Variants in PGBD1 observed in about 807,000 individuals in gnomAD.
PGBD1 encodes piggyBac transposable element derived 1.
PGBD1 carries 25 observed loss-of-function variants against 34.7 expected under a neutral mutation model. The observed-to-expected ratio is 0.72, with a 90% confidence interval of 0.52 to 1.00. PGBD1 has a LOEUF of 1.00. Ranked by LOEUF, PGBD1 falls within the 50% of genes least tolerant of loss-of-function variation. The pLI is 0.00. For synonymous variants in PGBD1, 292 were observed against 335.7 expected, an observed-to-expected ratio of 0.87 and a Z score of 1.42; for missense variants, 830 against 959.4, an observed-to-expected ratio of 0.87 and a Z score of 1.78.
At chr6:28,283,455 C>T (rs1319208049) in intron 1 of PGBD1, among the ~76,000 whole-genome samples, 1 of 152,182 alleles carries the variant, frequency 6.6e-6, no homozygotes, top group Non-Finnish European at 1.5e-5. Context: ...ATTATTTGTC[C>T]ATGAAGGCAG....
At chr6:28,283,521 A>G (rs1189481750) in intron 1 of PGBD1, among the ~76,000 whole-genome samples, 2 of 152,174 alleles carry the variant, frequency 1.3e-5, no homozygotes, top group African/African-American at 4.8e-5. Flanking sequence ...AGTGCAAGCT[A>G]CTCGAGCTTT....
intron 4 of PGBD1, among the ~76,000 whole-genome samples, chr6:28,296,578 G>A (rs1370358072): frequency 6.6e-6 from 1 of 152,180 alleles, no homozygotes; most frequent in Non-Finnish European, 1.5e-5. Context: ...ATTCTTTGTA[G>A]TGTGGGACTG....
rs1581642814 is a variant in PGBD1, at chr6:28,301,462, T to A, written c.1608T>A (p.Tyr536Ter). 1 of 1,614,008 alleles carries A rather than the reference T, an allele frequency of 6.2e-7. No individual in the cohort carries two copies. Among genetic ancestry groups the A allele is most frequent in the East Asian group, 2.2e-5 (1 of 44,870 alleles). The change falls in exon 7 of 7, where the codon TAT becomes TAA. Residue 536 changes from tyrosine (Y) to a stop codon, truncating the protein, a stop_gained. Coordinates refer to ENST00000682144, the MANE Select transcript of PGBD1 (RefSeq NM_032507.4). LOFTEE classifies it low-confidence loss of function (END_TRUNC). ...IKQMNKNFLL[Y>*]APLEEYYCFD... ...AAATGAATAAAAATTTCCTCTTGTATGCTCCCCTGGAAGAATACTATTGCT... is the reference window on the plus strand; with the variant it reads ...AAATGAATAAAAATTTCCTCTTGTAAGCTCCCCTGGAAGAATACTATTGCT...
At chr6:28,293,449 T>TA (rs1762531598) in intron 4 of PGBD1, among the ~76,000 whole-genome samples, 1 of 152,246 alleles carries the variant, frequency 6.6e-6, no homozygotes, top group Non-Finnish European at 1.5e-5. Context: ...ATATTACAGA[T>TA]ACACTTCCTT....
intron 6 of PGBD1, 85 bp downstream of exon 6, chr6:28,298,076 C>T: frequency 1.1e-6 from 1 of 908,028 alleles, no homozygotes; most frequent in Non-Finnish European, 1.8e-6. Flanking sequence ...GGTCAAAGGC[C>T]TGCTTCTCTG....
chr6:28,283,055 A>G (rs1019144950), intron 1 of PGBD1, among the ~76,000 whole-genome samples: 5 of 152,234 alleles, frequency 3.3e-5, no homozygotes, highest in Non-Finnish European at 5.9e-5. Context: ...GGAGTTACTA[A>G]TAGAGCTGCA....
chr6:28,286,877 TGA>T (rs1208831070), intron 3 of PGBD1, among the ~76,000 whole-genome samples: 1 of 152,168 alleles, frequency 6.6e-6, no homozygotes, highest in African/African-American at 2.4e-5. Context: ...ATTTTTTGGG[TGA>T]GAGACCCTAA....
At position 28,301,752 on chromosome 6, in the gene PGBD1, T is replaced by G; in HGVS notation, c.1898T>G (p.Val633Gly). Residue 633 changes from valine to glycine, a missense_variant, in exon 7 of 7, where the codon GTC becomes GGC. Physicochemically the swap from Val to Gly is moderately radical, Grantham distance 109. This residue lies in a region of PGBD1 where 372 missense variants were observed against 427.9 expected (regional missense o/e 0.87). Coordinates refer to ENST00000682144, the MANE Select transcript of PGBD1 (RefSeq NM_032507.4). ...TGTTTTGATAGCTTCTTTACAAGTG[T>G]CAAATTGTTGTCAGCCTTGAAAAAG... ...HLCFDSFFTS[V>G]KLLSALKKKG... is the part of the protein sequence containing the mutation. 1 of 1,614,142 alleles carries G rather than the reference T, an allele frequency of 6.2e-7. No individual in the cohort carries two copies. The highest frequency in any genetic ancestry group is 8.5e-7 in the Non-Finnish European group (1 of 1,180,024).
chr6:28,296,717 T>G, intron 4 of PGBD1, 99 bp from the exon 5 acceptor site: 1 of 1,375,436 alleles, frequency 7.3e-7, no homozygotes, highest in Non-Finnish European at 1.0e-6. Context: ...CCTGAGGGGC[T>G]GGGACTACCG....
Position 28,300,950 on chromosome 6 carries a change from G to A in PGBD1, c.1096G>A (p.Glu366Lys). ...GLSFSGDSDV[E>K]KDNEPEIQPA... ...CTCATTCTCTGGTGACTCAGATGTG[G>A]AAAAAGATAATGAGCCTGAGATCCA... The change falls in exon 7 of 7, where the codon GAA (glutamate) becomes AAA (lysine). Residue 366 changes from glutamate to lysine, a missense_variant. Coordinates refer to ENST00000682144, the MANE Select transcript of PGBD1 (RefSeq NM_032507.4). The surrounding 1 kb of genome is among the most constrained non-coding windows in gnomAD (Gnocchi z 4.0). The A allele has an allele frequency of 6.2e-7, 1 of 1,614,086 alleles. No homozygotes were observed. The highest frequency in any genetic ancestry group is 8.5e-7 in the Non-Finnish European group (1 of 1,180,020).
At chr6:28,288,286 C>G (rs1762348058) in intron 4 of PGBD1, among the ~76,000 whole-genome samples, 1 of 152,212 alleles carries the variant, frequency 6.6e-6, no homozygotes, top group African/African-American at 2.4e-5. Flanking sequence ...TGGAAACAGG[C>G]TCTGTCTTAG....
rs1452119361 is a variant in PGBD1 at position 28,284,195 on chromosome 6, GAC to G, written c.386_387del (p.Thr129ArgfsTer42). The G allele has an allele frequency of 1.1e-5, 17 of 1,556,806 alleles. No homozygotes were observed. Among genetic ancestry groups the G allele is most frequent in the Non-Finnish European group, 1.5e-5 (17 of 1,148,902 alleles). On this transcript the variant is annotated frameshift_variant, in exon 2 of 7. Transcript: ENST00000682144. LOFTEE classifies it high-confidence loss of function. ...GGAGAATCTAGAGACAGGAAGTGGA[GAC>G]ACAGGACAACAGGTGGGAAGAGAAT... is the stretch of plus-strand genomic sequence containing the variant. ...VLENLETGSG[D>X]TGQQASVYIQ...
chr6:28,284,268 AT>A, intron 2 of PGBD1, 59 bp downstream of exon 2: 2 of 1,439,430 alleles, frequency 1.4e-6, no homozygotes, highest in Non-Finnish European at 1.8e-6. Context: ...GTATCGGTTT[AT>A]TTTTAACGTT....
chr6:28,302,118 G>A lies in PGBD1; in HGVS notation c.2264G>A (p.Ser755Asn), dbSNP rs867654002. 6.2e-7 allele frequency: 1 copy of A among 1,614,158 alleles called. No individual in the cohort carries two copies. Among genetic ancestry groups the A allele is most frequent in the Non-Finnish European group, 8.5e-7 (1 of 1,180,028 alleles). Residue 755 changes from serine to asparagine, a missense_variant, in exon 7 of 7, where the codon AGC becomes AAC. Physicochemically the swap from Ser to Asn is conservative, Grantham distance 46. Coordinates refer to ENST00000682144, the MANE Select transcript of PGBD1 (RefSeq NM_032507.4). ...IISKYRVRIR[S>N]KKWYSILVSY... Reference sequence around the variant, plus strand: ...TCGAAATACAGGGTGAGGATAAGAAGCAAGAAATGGTACTCAATTTTGGTG... The same window carrying A: ...TCGAAATACAGGGTGAGGATAAGAAACAAGAAATGGTACTCAATTTTGGTG...
intron 6 of PGBD1, among the ~76,000 whole-genome samples, chr6:28,299,781 T>C (rs904170117): frequency 2.0e-5 from 3 of 152,062 alleles, no homozygotes. Flanking sequence ...GGTGAGTGGA[T>C]CACGAGGTCA....
chr6:28,295,331 A>G (rs1762594765), intron 4 of PGBD1, among the ~76,000 whole-genome samples: 1 of 152,370 alleles, frequency 6.6e-6, no homozygotes, highest in African/African-American at 2.4e-5. Context: ...AGAATATTAA[A>G]TAAACGTAGT....
chr6:28,298,109 C>T, intron 6 of PGBD1, 118 bp downstream of exon 6: 1 of 745,622 alleles, frequency 1.3e-6, no homozygotes, highest in Non-Finnish European at 2.3e-6. Context: ...ACAACTGCCA[C>T]TCACTTCTGT....
At chr6:28,284,429 C>A (rs939124597) in intron 2 of PGBD1, among the ~76,000 whole-genome samples, 1 of 152,218 alleles carries the variant, frequency 6.6e-6, no homozygotes, top group African/African-American at 2.4e-5. Context: ...CATTCCCCCC[C>A]CCCAAGATGC....
chr6:28,291,550 C>CAAAAAAA (rs56160771), intron 4 of PGBD1, among the ~76,000 whole-genome samples: 1 of 120,620 alleles, frequency 8.3e-6, no homozygotes. Flanking sequence ...TCAAATTCTT[C>CAAAAAAA]AAAAAAAAAA....
Sources: gnomAD v4.1 joint callset for allele counts (sites outside exome capture counted in the v4.1 genomes callset) on GRCh38, gnomAD v4.1.1 for gene constraint, gnomAD v4.1.1 regional missense constraint, Gnocchi (gnomAD v3.1) non-coding constraint, MANE v1.5 for transcripts, NCBI Gene and HGNC (gene_info 2026-07-23, HGNC 2026-07-21) for gene names.